NCALD: variants seen among roughly 807,000 people sequenced by gnomAD.
NCALD encodes the protein neurocalcin-delta.
A neutral mutation model predicts 18.6 loss-of-function variants in NCALD; 10 were observed. That is an observed-to-expected ratio of 0.54 (90% CI 0.33 to 0.91). The LOEUF is 0.91. NCALD is among the 40% of genes least tolerant of loss of function. The pLI, the probability that NCALD is intolerant of heterozygous loss-of-function variation, is 0.03. For missense variants in NCALD, 184 were observed against 247.6 expected, an observed-to-expected ratio of 0.74 and a Z score of 1.72; for synonymous variants, 88 against 87.4, an observed-to-expected ratio of 1.01 and a Z score of -0.04.
At chr8:101,870,349 A>G (rs1421659454) in intron 4 of NCALD, among the ~76,000 whole-genome samples, 1 of 152,238 alleles carries the variant, frequency 6.6e-6, no homozygotes, top group Non-Finnish European at 1.5e-5. Flanking sequence ...GTCTTATCTT[A>G]GGGGATTCTG....
chr8:101,899,446 A>G (rs968434977), intron 3 of NCALD, among the ~76,000 whole-genome samples: 4 of 151,992 alleles, frequency 2.6e-5, no homozygotes, highest in African/African-American at 9.7e-5. Context: ...GAGTGGTGAG[A>G]GCAGTCATCC....
At chr8:101,784,579 T>C (rs1241376995) in intron 1 of NCALD, among the ~76,000 whole-genome samples, 2 of 152,078 alleles carry the variant, frequency 1.3e-5, no homozygotes, top group South Asian at 4.1e-4. Flanking sequence ...GGAGGATCTC[T>C]TGAGGACAGG....
At chr8:101,931,165 T>C (rs1053275672) in intron 2 of NCALD, among the ~76,000 whole-genome samples, 2 of 152,178 alleles carry the variant, frequency 1.3e-5, no homozygotes, top group Non-Finnish European at 2.9e-5. Flanking sequence ...ACTCATTATC[T>C]GGGTTCCAAG....
chr8:102,044,148 T>C (rs1237151942), intron 1 of NCALD, among the ~76,000 whole-genome samples: 1 of 152,002 alleles, frequency 6.6e-6, no homozygotes, highest in East Asian at 1.9e-4. Context: ...ACTACATGTA[T>C]TATTTTTAAA....
chr8:101,818,569 C>A (rs1372881508), intron 4 of NCALD, among the ~76,000 whole-genome samples: 1 of 152,160 alleles, frequency 6.6e-6, no homozygotes, highest in Non-Finnish European at 1.5e-5. Flanking sequence ...GACTTCAACA[C>A]CTCCATGTTT....
At chr8:102,098,873 G>A (rs1324127268) in intron 1 of NCALD, among the ~76,000 whole-genome samples, 2 of 152,204 alleles carry the variant, frequency 1.3e-5, no homozygotes, top group Admixed American at 1.3e-4. Context: ...TTGGCTCAGG[G>A]ATGAGCATGT....
intron 4 of NCALD, among the ~76,000 whole-genome samples, chr8:101,874,535 C>CA (rs1013345588): frequency 2.0e-4 from 30 of 151,466 alleles, no homozygotes; most frequent in Non-Finnish European, 2.7e-4. Flanking sequence ...TTTTCTTAAT[C>CA]AAAAAAAAAT....
At chr8:102,054,262 A>G (rs1200469811) in intron 1 of NCALD, among the ~76,000 whole-genome samples, 1 of 152,190 alleles carries the variant, frequency 6.6e-6, no homozygotes, top group Non-Finnish European at 1.5e-5. Context: ...CGAAGCCACC[A>G]TACCCAGATA....
At chr8:101,980,458 C>T (rs926943276) in intron 2 of NCALD, among the ~76,000 whole-genome samples, 1 of 152,084 alleles carries the variant, frequency 6.6e-6, no homozygotes, top group Non-Finnish European at 1.5e-5. Context: ...ATCAGACCCA[C>T]GCTTCGCAAG....
chr8:101,974,962 T>C lies in NCALD; in HGVS notation c.-157+45275A>G, dbSNP rs77783916. 9.9e-3 allele frequency among the ~76,000 whole-genome samples: 1,514 copies of C among 152,296 alleles called. 23 individuals are homozygous for C. Among genetic ancestry groups the C allele is most frequent in the African/African-American group, 0.033 (1,385 of 41,550 alleles). On this transcript the variant is annotated intron_variant, in intron 2 of 6. Coordinates refer to the NCALD transcript ENST00000311028. ...ATACTGAATCAACGCAATTGACACATATACAAAACACCATAGAACATTTGA... is the reference window on the plus strand; with the variant it reads ...ATACTGAATCAACGCAATTGACACACATACAAAACACCATAGAACATTTGA...
chr8:101,814,982 TAAAG>T (rs1002237992), intron 4 of NCALD, among the ~76,000 whole-genome samples: 10 of 152,106 alleles, frequency 6.6e-5, no homozygotes, highest in African/African-American at 2.2e-4. Flanking sequence ...ACTAAATAAA[TAAAG>T]AGATATTCCA....
chr8:101,985,021 G>A (rs1434429954), intron 2 of NCALD, among the ~76,000 whole-genome samples: 1 of 152,176 alleles, frequency 6.6e-6, no homozygotes, highest in Non-Finnish European at 1.5e-5. Context: ...AAAGAACTAT[G>A]TAGCTTAAGG....
At position 101,690,927 on chromosome 8, in the gene NCALD, G is replaced by A. The variant is rs977615420; in HGVS notation, c.485-1521C>T. The A allele has an allele frequency of 2.1e-5, 21 of 985,428 alleles. No individual in the cohort carries two copies. In the South Asian group the frequency reaches 7.0e-4, roughly 33 times the overall value. The allele number at this position is 985,428 out of a possible 1,614,324, so 61.0% of individuals were successfully genotyped here. ...GGTAGCAGGGGCAGACCTGGAGCTC[G>A]GCATGACGTCTGGCTTTCTTCACTT... On this transcript the variant is annotated intron_variant, in intron 3 of 3. Coordinates refer to ENST00000220931, the MANE Select transcript of NCALD (RefSeq NM_032041.3).
At chr8:101,902,690 C>A (rs564335913) in intron 3 of NCALD, among the ~76,000 whole-genome samples, 1 of 152,328 alleles carries the variant, frequency 6.6e-6, no homozygotes, top group East Asian at 1.9e-4. Flanking sequence ...TTACTGTCAA[C>A]CTTCAGCTCC....
chr8:101,820,452 A>C (rs575813904), intron 4 of NCALD, among the ~76,000 whole-genome samples: 1 of 152,340 alleles, frequency 6.6e-6, no homozygotes, highest in African/African-American at 2.4e-5. Flanking sequence ...ATGAATGAAT[A>C]AACATACATT....
chr8:102,024,363 T>A (rs1400686761), intron 1 of NCALD, among the ~76,000 whole-genome samples: 1 of 152,208 alleles, frequency 6.6e-6, no homozygotes, highest in African/African-American at 2.4e-5. Context: ...ATAAATACCA[T>A]GTTAATAGAT....
intron 1 of NCALD, among the ~76,000 whole-genome samples, chr8:102,108,922 G>A (rs1012602519): frequency 2.6e-5 from 4 of 152,318 alleles, no homozygotes; most frequent in African/African-American, 9.6e-5. Context: ...CTATCGGATT[G>A]GAAAGCAGGA....
intron 2 of NCALD, among the ~76,000 whole-genome samples, chr8:101,953,260 G>A (rs1001892062): frequency 6.6e-6 from 1 of 152,168 alleles, no homozygotes; most frequent in Non-Finnish European, 1.5e-5. Context: ...CTCAACCTAA[G>A]AGTCTCTCAT....
chr8:102,045,399 G>A (rs1387309208), intron 1 of NCALD, among the ~76,000 whole-genome samples: 4 of 152,058 alleles, frequency 2.6e-5, no homozygotes, highest in Non-Finnish European at 5.9e-5. Flanking sequence ...CTACCATACC[G>A]GGTGCTTATG....
Sources: gnomAD v4.1 joint callset for allele counts (sites outside exome capture counted in the v4.1 genomes callset) on GRCh38, gnomAD v4.1.1 for gene constraint, MANE v1.5 for transcripts, NCBI Gene and HGNC (gene_info 2026-07-23, HGNC 2026-07-21) for gene names.